The following PAGE2B variants were observed in gnomAD, a reference collection of about 807,000 sequenced individuals.
PAGE2B encodes the protein putative G antigen family E member 3.
PAGE2B carries 5 observed loss-of-function variants against 7.6 expected under a neutral mutation model. The ratio of observed to expected loss-of-function variants is 0.66; its 90% CI spans 0.34 to 1.38. The LOEUF (loss-of-function observed/expected upper bound fraction) is 1.38. Ranked by LOEUF, PAGE2B falls within the 40% of genes most tolerant of loss-of-function variation. The pLI, the probability that PAGE2B is intolerant of heterozygous loss-of-function variation, is 0.04. For synonymous variants in PAGE2B, 29 were observed against 26.7 expected, an observed-to-expected ratio of 1.09 and a Z score of -0.27; for missense variants, 70 against 78.4, an observed-to-expected ratio of 0.89 and a Z score of 0.41.
chrX:55,051,917 G>T, the PAGE2B span, among the ~76,000 whole-genome samples: 2 of 111,630 alleles, frequency 1.8e-5, no homozygotes, highest in Non-Finnish European at 3.8e-5. Flanking sequence ...TTTCTGCTCT[G>T]TTTTTTCCAC....
intron 2 of PAGE2B, 69 bp downstream of exon 2, chrX:55,076,194 T>G (rs1821028287): frequency 4.6e-6 from 5 of 1,081,189 alleles, no homozygotes; most frequent in Non-Finnish European, 5.0e-6. Flanking sequence ...TGAGCTAGTG[T>G]ACACGCACTG....
chrX:55,044,267 A>C, the PAGE2B span, among the ~76,000 whole-genome samples: 1 of 111,749 alleles, frequency 8.9e-6, no homozygotes, highest in African/African-American at 3.2e-5. Context: ...AATGTGGTGT[A>C]TACACACCAT....
the PAGE2B span, among the ~76,000 whole-genome samples, chrX:55,069,284 C>G: frequency 8.9e-6 from 1 of 111,879 alleles, no homozygotes; most frequent in African/African-American, 3.2e-5. Context: ...TTTTCTGCAT[C>G]TACTGAGATA....
the PAGE2B span, among the ~76,000 whole-genome samples, chrX:55,050,719 G>T: frequency 9.0e-6 from 1 of 111,402 alleles, no homozygotes. Flanking sequence ...TGTGAGGTGG[G>T]TTTCCTGAAT....
chrX:55,054,317 A>T, the PAGE2B span, among the ~76,000 whole-genome samples: 8 of 112,648 alleles, frequency 7.1e-5, no homozygotes, highest in Non-Finnish European at 1.3e-4. Context: ...ATCAATGTTA[A>T]CTATTCTAAT....
At chrX:55,052,610 G>T in the PAGE2B span, among the ~76,000 whole-genome samples, 2,852 of 112,784 alleles carry the variant, frequency 0.025, 69 homozygotes, top group African/African-American at 0.076. Flanking sequence ...CTCCAACTCA[G>T]GTGCGGGATA....
chrX:55,077,180 A>G (rs1936530750), intron 3 of PAGE2B, among the ~76,000 whole-genome samples: 1 of 112,284 alleles, frequency 8.9e-6, no homozygotes, highest in African/African-American at 3.2e-5. Context: ...ATAAGAACAA[A>G]TGAGTACAAA....
chrX:55,039,771 C>T, the PAGE2B span, among the ~76,000 whole-genome samples: 1 of 111,868 alleles, frequency 8.9e-6, no homozygotes, highest in Non-Finnish European at 1.9e-5. Context: ...TCTTAGAGAA[C>T]TGAGTCACTG....
chrX:55,073,060 T>A (rs1936465708), upstream of PAGE2B, among the ~76,000 whole-genome samples: 1 of 111,191 alleles, frequency 9.0e-6, no homozygotes, highest in African/African-American at 3.3e-5. Context: ...TCAGCCCCCT[T>A]TCCAGGAGAG....
At chrX:55,037,952 A>G in the PAGE2B span, among the ~76,000 whole-genome samples, 3 of 107,280 alleles carry the variant, frequency 2.8e-5, no homozygotes, top group African/African-American at 1.0e-4. Flanking sequence ...CTTAATGCTA[A>G]ATGATGAGTT....
chrX:55,070,892 A>G (rs1356615350), upstream of PAGE2B, among the ~76,000 whole-genome samples: 25 of 111,244 alleles, frequency 2.2e-4, 1 homozygote, highest in Admixed American at 2.2e-3. Flanking sequence ...CTTGGTAAAT[A>G]TTCCTCCATC....
chrX:55,077,282 C>T (rs1368058775), intron 3 of PAGE2B, 117 bp from the exon 4 acceptor site: 113 of 1,105,478 alleles, frequency 1.0e-4, no homozygotes, highest in Non-Finnish European at 1.3e-4. Flanking sequence ...CAGCAGATTC[C>T]TGAAATAATT....
chrX:55,070,862 C>T (rs774915603), upstream of PAGE2B, among the ~76,000 whole-genome samples: 1 of 111,058 alleles, frequency 9.0e-6, no homozygotes, highest in African/African-American at 3.3e-5. Flanking sequence ...CAACCCCTGC[C>T]TTTTTTTGCT....
the PAGE2B span, chrX:55,031,099 A>G: frequency 3.6e-6 from 1 of 281,515 alleles, no homozygotes; most frequent in Non-Finnish European, 7.0e-6. Flanking sequence ...TCCTTGCTAG[A>G]GATAAAACCC....
chrX:55,032,787 A>G, the PAGE2B span, among the ~76,000 whole-genome samples: 1 of 112,079 alleles, frequency 8.9e-6, no homozygotes, highest in Middle Eastern at 4.6e-3. Context: ...GTGGAGATGC[A>G]GTGGCATGTA....
At chrX:55,039,322 G>A in the PAGE2B span, among the ~76,000 whole-genome samples, 1 of 111,286 alleles carries the variant, frequency 9.0e-6, no homozygotes, top group Non-Finnish European at 1.9e-5. Flanking sequence ...ATGGACAGAA[G>A]TGAATGGAAC....
chrX:55,032,428 A>T, the PAGE2B span, among the ~76,000 whole-genome samples: 7 of 110,845 alleles, frequency 6.3e-5, no homozygotes, highest in South Asian at 3.8e-4. Flanking sequence ...TTTCTTTATC[A>T]GTTGTCTATT....
At position 55,077,406 on chromosome X, in the gene PAGE2B, C is replaced by T. The variant is rs1207665448; in HGVS notation, c.201C>T (p.Asp67=). Residue 67 remains aspartate (D), a synonymous_variant, in exon 4 of 5, where the codon GAC becomes GAT. Transcript: ENST00000374971. The part of the protein sequence containing the change: ...NEGAPAVQGP[D]MEAFQQELAL... ...ACCTTTTTATCTTTTAAGGGCCTGA[C>T]ATGGAAGCTTTTCAACAGGAACTGG... The T allele has an allele frequency of 8.3e-7, 1 of 1,210,275 alleles. No homozygotes were observed. The highest frequency in any genetic ancestry group is 2.2e-5 in the Admixed American group (1 of 45,876).
the PAGE2B span, among the ~76,000 whole-genome samples, chrX:55,069,338 C>T: frequency 1.4e-4 from 16 of 111,596 alleles, no homozygotes; most frequent in Admixed American, 4.8e-4. Flanking sequence ...TGATGGATTA[C>T]GTTTATTGAT....
Sources: allele counts gnomAD v4.1 joint callset (sites outside exome capture counted in the v4.1 genomes callset), GRCh38; gene constraint gnomAD v4.1.1; transcripts MANE v1.5; gene names NCBI Gene and HGNC (gene_info 2026-07-23, HGNC 2026-07-21).